Variants in CADPS observed in about 807,000 individuals in gnomAD.
CADPS encodes calcium dependent secretion activator, also known as calcium-dependent secretion activator 1.
Under a neutral mutation model 167.3 loss-of-function variants are expected in CADPS, and 57 were observed. That is an observed-to-expected ratio of 0.34 (90% CI 0.28 to 0.42). The LOEUF (loss-of-function observed/expected upper bound fraction) is 0.42. CADPS is among the 20% of genes least tolerant of loss of function. CADPS has a pLI of 1.00. For synonymous variants in CADPS, 676 were observed against 635.3 expected (o/e 1.06, Z -0.96); for missense variants, 1,414 against 1,738.1 (o/e 0.81, Z 3.32).
chr3:62,846,792 T>C (rs914235014), intron 1 of CADPS, among the ~76,000 whole-genome samples: 2 of 151,988 alleles, frequency 1.3e-5, no homozygotes, highest in African/African-American at 2.4e-5. Context: ...GCCTCCAGAG[T>C]AGCTGGTATT....
At chr3:62,400,149 C>A (rs1025830987) in intron 29 of CADPS, among the ~76,000 whole-genome samples, 2 of 152,154 alleles carry the variant, frequency 1.3e-5, no homozygotes, top group Admixed American at 1.3e-4. Flanking sequence ...AGCGCTAATG[C>A]CTCATCAATA....
intron 5 of CADPS, among the ~76,000 whole-genome samples, chr3:62,648,619 G>T (rs967840907): frequency 1.5e-5 from 2 of 131,232 alleles, no homozygotes; most frequent in African/African-American, 5.5e-5. Flanking sequence ...CCAGGAAGTT[G>T]AGGCTGCAGT....
intron 17 of CADPS, among the ~76,000 whole-genome samples, chr3:62,507,857 A>G (rs1334720728): frequency 6.6e-6 from 1 of 152,214 alleles, no homozygotes; most frequent in Non-Finnish European, 1.5e-5. Flanking sequence ...ATAAATTAAT[A>G]TATATAATGA....
At position 62,403,129 on chromosome 3, in the gene CADPS, G is replaced by A. The variant is rs765826007; in HGVS notation, c.3834C>T (p.Asp1278=). The A allele has an allele frequency of 6.2e-6, 10 of 1,613,422 alleles. No individual in the cohort carries two copies. The highest frequency in any genetic ancestry group is 8.5e-6 in the Non-Finnish European group (10 of 1,179,498). The change falls in exon 29 of 30, where the codon GAC becomes GAT. Residue 1278 remains aspartate, a synonymous_variant. Coordinates refer to ENST00000383710, the MANE Select transcript of CADPS (RefSeq NM_003716.4). ...TCAACTGATAAATATGAAGCTGTAA[G>A]TCCATCCGGTCCGTCAACCAGGTGC... The part of the protein sequence containing the change: ...VICTWLTDRM[D]LQLHIYQLKT...
chr3:62,723,681 G>A (rs948117542), intron 3 of CADPS, among the ~76,000 whole-genome samples: 23 of 152,150 alleles, frequency 1.5e-4, no homozygotes, highest in African/African-American at 5.1e-4. Context: ...GGAATTATTG[G>A]GGAGTGTGTC....
chr3:62,547,129 A>G (rs921984497), intron 11 of CADPS, among the ~76,000 whole-genome samples: 2 of 152,210 alleles, frequency 1.3e-5, no homozygotes, highest in Non-Finnish European at 2.9e-5. Flanking sequence ...GTTTTTATTA[A>G]GTGCTTAAAC....
chr3:62,790,247 C>A (rs2092816537), intron 1 of CADPS, among the ~76,000 whole-genome samples: 1 of 152,082 alleles, frequency 6.6e-6, no homozygotes. Context: ...TAATCACCAA[C>A]TTTATAGTAG....
At chr3:62,633,806 T>C (rs775621257) in intron 6 of CADPS, among the ~76,000 whole-genome samples, 1 of 152,136 alleles carries the variant, frequency 6.6e-6, no homozygotes, top group East Asian at 1.9e-4. Flanking sequence ...AAAATGAACA[T>C]TTGGCCAAAG....
At chr3:62,674,410 A>G (rs564493390) in intron 3 of CADPS, among the ~76,000 whole-genome samples, 103 of 152,294 alleles carry the variant, frequency 6.8e-4, no homozygotes, top group African/African-American at 2.3e-3. Context: ...ACCTACATGT[A>G]TCATTATCTC....
intron 18 of CADPS, among the ~76,000 whole-genome samples, chr3:62,497,974 C>T (rs968929562): frequency 2.6e-5 from 4 of 152,150 alleles, no homozygotes; most frequent in Admixed American, 6.5e-5. Context: ...TTGACCCTGC[C>T]GTGGAGGGTC....
rs887370844 is a variant in CADPS at position 62,851,370 on chromosome 3, C to T, written c.441+23219G>A. 1.6e-4 allele frequency among the ~76,000 whole-genome samples: 22 copies of T among 134,624 alleles called. No homozygotes were observed. In the East Asian group the frequency reaches 3.1e-3, roughly 19 times the overall value. 88.3% of individuals were successfully genotyped at this position (134,624 alleles called of 152,430 possible). ...AGTTGATGCAGTTTCTTCCTAGTCT[C>T]GATGGTCGTTACATTTTGGCATGAT... is the stretch of plus-strand genomic sequence containing the variant. On this transcript the variant is annotated intron_variant, in intron 1 of 29. Coordinates refer to ENST00000383710, the MANE Select transcript of CADPS (RefSeq NM_003716.4).
intron 3 of CADPS, among the ~76,000 whole-genome samples, chr3:62,717,163 T>G (rs2084833955): frequency 1.3e-5 from 2 of 152,166 alleles, no homozygotes; most frequent in South Asian, 4.1e-4. Context: ...ACTAGACAGA[T>G]AAAACAACCA....
chr3:62,398,729 G>A lies in CADPS; in HGVS notation c.*677C>T, dbSNP rs895107731. 2.6e-5 allele frequency: 4 copies of A among 152,164 alleles called. No homozygotes were observed. The highest frequency in any genetic ancestry group is 4.8e-5 in the African/African-American group (2 of 41,374). The allele number at this position is 152,164 out of a possible 1,614,324, so 9.4% of individuals were successfully genotyped here. A position where few individuals can be genotyped will look rare whatever the true frequency, so the allele number is the denominator to read the frequency against. On this transcript the variant is annotated 3_prime_UTR_variant, in exon 30 of 30. Transcript: ENST00000383710. ...AGAAGACAGTAGTTTTGAACTGCGC[G>A]CTTGATGTTAAGTCATGATAGGATC...
intron 28 of CADPS, among the ~76,000 whole-genome samples, chr3:62,417,252 C>T (rs2050243710): frequency 7.1e-6 from 1 of 141,316 alleles, no homozygotes; most frequent in South Asian, 2.4e-4. Flanking sequence ...ATGTACTTAA[C>T]ACAATAACTA....
At chr3:62,647,382 C>G (rs2068820601) in intron 5 of CADPS, among the ~76,000 whole-genome samples, 1 of 152,140 alleles carries the variant, frequency 6.6e-6, no homozygotes, top group African/African-American at 2.4e-5. Flanking sequence ...TTGCTAGGCT[C>G]TATGATCTCC....
intron 1 of CADPS, among the ~76,000 whole-genome samples, chr3:62,787,805 A>C (rs532835479): frequency 6.6e-6 from 1 of 152,226 alleles, no homozygotes; most frequent in Non-Finnish European, 1.5e-5. Context: ...CATGACTATT[A>C]TAAAGATTAA....
chr3:62,573,282 T>G (rs1293401678), intron 8 of CADPS, among the ~76,000 whole-genome samples: 2 of 152,216 alleles, frequency 1.3e-5, no homozygotes, highest in African/African-American at 4.8e-5. Flanking sequence ...TTTATTCACA[T>G]TATTTTTTAT....
chr3:62,555,209 A>G (rs530088601), intron 10 of CADPS, among the ~76,000 whole-genome samples: 8 of 152,338 alleles, frequency 5.3e-5, no homozygotes, highest in African/African-American at 1.9e-4. Context: ...AACATAATTG[A>G]TTTACATTTT....
rs1432172371 is a variant in CADPS, at chr3:62,532,993, C to A, written c.2169G>T (p.Gly723=). Residue 723 remains glycine (G), a synonymous_variant, in exon 13 of 30, where the codon GGG becomes GGT. Transcript: ENST00000383710. ...DEYCARNGVR[G]CHRHLCYLRD... Reference sequence around the variant, plus strand: ...TGAGGTAGCAGAGATGTCGGTGACACCCCCGGACTCCATTTCGGGCGCAAT... The same window carrying A: ...TGAGGTAGCAGAGATGTCGGTGACAACCCCGGACTCCATTTCGGGCGCAAT... 2 of 1,613,744 alleles carry A rather than the reference C, an allele frequency of 1.2e-6. No homozygotes were observed. Among genetic ancestry groups the A allele is most frequent in the Non-Finnish European group, 8.5e-7 (1 of 1,179,784 alleles).
Sources: allele counts gnomAD v4.1 joint callset (sites outside exome capture counted in the v4.1 genomes callset), GRCh38; gene constraint gnomAD v4.1.1; transcripts MANE v1.5; gene names NCBI Gene and HGNC (gene_info 2026-07-23, HGNC 2026-07-21).